NAALADL2: variants seen among roughly 807,000 people sequenced by gnomAD.
NAALADL2 encodes inactive N-acetylated-alpha-linked acidic dipeptidase-like protein 2.
NAALADL2 carries 76 observed loss-of-function variants against 87.2 expected under a neutral mutation model. That is an observed-to-expected ratio of 0.87 (90% CI 0.72 to 1.05). The LOEUF (loss-of-function observed/expected upper bound fraction) is 1.05, where lower values mean the gene tolerates loss of function less well. NAALADL2 is among the 50% of genes least tolerant of loss of function. The pLI, the probability that NAALADL2 is intolerant of heterozygous loss-of-function variation, is 0.00. For synonymous variants in NAALADL2, 354 were observed against 331.0 expected (o/e 1.07, Z -0.75); for missense variants, 1,089 against 945.8 (o/e 1.15, Z -1.99).
chr3:174,772,643 A>G (rs1322301158), intron 3 of NAALADL2, among the ~76,000 whole-genome samples: 16 of 152,198 alleles, frequency 1.1e-4, no homozygotes, highest in Admixed American at 1.0e-3. Context: ...TGACCTAACT[A>G]TAGGTGTACT....
intron 1 of NAALADL2, among the ~76,000 whole-genome samples, chr3:174,949,679 G>A (rs1274426248): frequency 6.6e-6 from 1 of 152,156 alleles, no homozygotes; most frequent in Non-Finnish European, 1.5e-5. Flanking sequence ...AGGAATGTTA[G>A]TATAATCTTA....
chr3:174,889,640 TAA>T (rs555502111), intron 1 of NAALADL2, among the ~76,000 whole-genome samples: 1 of 147,256 alleles, frequency 6.8e-6, no homozygotes. Context: ...ATCCAAGCAC[TAA>T]AAAAAAAAAT....
chr3:175,334,760 G>T (rs1391122010), intron 5 of NAALADL2, among the ~76,000 whole-genome samples: 1 of 152,154 alleles, frequency 6.6e-6, no homozygotes, highest in Non-Finnish European at 1.5e-5. Context: ...TTTTATTAAT[G>T]ATCAATACCT....
chr3:174,660,791 C>A (rs1406435028), intron 2 of NAALADL2, among the ~76,000 whole-genome samples: 1 of 152,078 alleles, frequency 6.6e-6, no homozygotes, highest in Non-Finnish European at 1.5e-5. Context: ...AAAGTACCTT[C>A]ATTTTTGGAG....
At chr3:175,745,365 CT>C in intron 12 of NAALADL2, among the ~76,000 whole-genome samples, 1 of 152,134 alleles carries the variant, frequency 6.6e-6, no homozygotes, top group East Asian at 1.9e-4. Flanking sequence ...TGTATTAATA[CT>C]TGTGACAAAA....
At chr3:175,222,848 G>C (rs1466933767) in intron 2 of NAALADL2, among the ~76,000 whole-genome samples, 1 of 152,026 alleles carries the variant, frequency 6.6e-6, no homozygotes, top group South Asian at 2.1e-4. Flanking sequence ...AACATTTAGA[G>C]AGAAGAGTGG....
chr3:174,579,043 T>A lies in NAALADL2; in HGVS notation c.-115+28406T>A, dbSNP rs189071706. On this transcript the variant is annotated intron_variant, in intron 2 of 3. Transcript: ENST00000434257. ...ATTGTCAGGGAAATAAGAATAAAAA[T>A]CACACAGAGACCACTAACACCTTGA... Among the ~76,000 whole-genome samples the A allele has an allele frequency of 1.0e-3, 152 of 151,916 alleles. 2 individuals are homozygous for A. Among genetic ancestry groups the A allele is most frequent in the African/African-American group, 3.6e-3 (148 of 41,506 alleles).
chr3:175,158,498 G>C (rs999955073), intron 2 of NAALADL2, among the ~76,000 whole-genome samples: 1 of 152,102 alleles, frequency 6.6e-6, no homozygotes, highest in Non-Finnish European at 1.5e-5. Context: ...AGAACTTTTG[G>C]ATTCCATCTT....
At chr3:175,792,745 T>C (rs546769779) in intron 13 of NAALADL2, among the ~76,000 whole-genome samples, 1 of 152,196 alleles carries the variant, frequency 6.6e-6, no homozygotes, top group African/African-American at 2.4e-5. Flanking sequence ...CAAGAGGAAG[T>C]GCAGATGTTA....
intron 3 of NAALADL2, among the ~76,000 whole-genome samples, chr3:174,786,489 A>T (rs559577002): frequency 6.6e-6 from 1 of 151,588 alleles, no homozygotes; most frequent in South Asian, 2.1e-4. Flanking sequence ...GAAAAGGAGA[A>T]AAAAAAGAAA....
At chr3:174,611,895 A>G (rs1719930284) in intron 2 of NAALADL2, among the ~76,000 whole-genome samples, 1 of 151,702 alleles carries the variant, frequency 6.6e-6, no homozygotes, top group African/African-American at 2.4e-5. Flanking sequence ...GCACCTGAGC[A>G]GATGATTTCT....
Position 175,773,892 on chromosome 3 carries a change from A to G in NAALADL2, c.2189+18474A>G, listed in dbSNP as rs1583184149. ...AATTTGAGACCATGAAGCCAACTATATAGCCACTCTTCCCCCATATAACAT... is the reference window on the plus strand; with the variant it reads ...AATTTGAGACCATGAAGCCAACTATGTAGCCACTCTTCCCCCATATAACAT... On this transcript the variant is annotated intron_variant, in intron 13 of 13. Coordinates refer to ENST00000454872, the MANE Select transcript of NAALADL2 (RefSeq NM_207015.3). Among the ~76,000 whole-genome samples the G allele has an allele frequency of 2.0e-5, 3 of 152,078 alleles. No individual in the cohort carries two copies. In the South Asian group the frequency reaches 6.2e-4, roughly 31 times the overall value.
intron 11 of NAALADL2, among the ~76,000 whole-genome samples, chr3:175,656,627 A>G (rs1469246300): frequency 6.6e-6 from 1 of 152,154 alleles, no homozygotes; most frequent in East Asian, 1.9e-4. Context: ...CTAGAGAACT[A>G]CTAAGTGGAA....
intron 2 of NAALADL2, among the ~76,000 whole-genome samples, chr3:175,132,008 A>C (rs1287084250): frequency 2.3e-5 from 2 of 88,406 alleles, no homozygotes; most frequent in Non-Finnish European, 4.5e-5. Context: ...TGACCCCCCC[A>C]CCTCCCTCCC....
At chr3:175,281,738 A>G (rs6808071) in intron 4 of NAALADL2, among the ~76,000 whole-genome samples, 66,321 of 151,760 alleles carry the variant, frequency 0.44, 14,722 homozygotes, top group African/African-American at 0.47. Context: ...GAATATTTCA[A>G]TATTGTTTAT....
chr3:175,786,396 A>C (rs1038431978), intron 13 of NAALADL2, among the ~76,000 whole-genome samples: 1 of 152,208 alleles, frequency 6.6e-6, no homozygotes, highest in South Asian at 2.1e-4. Context: ...GGCTTTGCTC[A>C]TTGCTTTTTA....
intron 1 of NAALADL2, among the ~76,000 whole-genome samples, chr3:174,898,080 T>G (rs1731802361): frequency 2.2e-5 from 2 of 92,436 alleles, no homozygotes; most frequent in Non-Finnish European, 3.5e-5. Context: ...GCCACTGCAC[T>G]CCAGCCTGGG....
intron 2 of NAALADL2, among the ~76,000 whole-genome samples, chr3:174,713,648 G>A (rs539843996): frequency 6.6e-6 from 1 of 152,000 alleles, no homozygotes; most frequent in South Asian, 2.1e-4. Context: ...TTTTGATGGG[G>A]TTGTTTTTTT....
intron 11 of NAALADL2, among the ~76,000 whole-genome samples, chr3:175,680,957 C>CA (rs1735510134): frequency 6.6e-6 from 1 of 151,942 alleles, no homozygotes; most frequent in Admixed American, 6.6e-5. Flanking sequence ...TACTAACATA[C>CA]AAAAAATTAG....
Sources: allele counts gnomAD v4.1 joint callset (sites outside exome capture counted in the v4.1 genomes callset), GRCh38; gene constraint gnomAD v4.1.1; transcripts MANE v1.5; gene names NCBI Gene and HGNC (gene_info 2026-07-23, HGNC 2026-07-21).